Variants in RAB9B observed in about 807,000 individuals in gnomAD.
The protein encoded by RAB9B is ras-related protein Rab-9B.
Under a neutral mutation model 8.9 loss-of-function variants are expected in RAB9B, and 1 was observed. The ratio of observed to expected loss-of-function variants is 0.11; its 90% confidence interval spans 0.04 to 0.53. The LOEUF (loss-of-function observed/expected upper bound fraction) is 0.53. Ranked by LOEUF, RAB9B falls within the 20% of genes least tolerant of loss-of-function variation. The probability of loss-of-function intolerance (pLI) is 0.93; values close to 1 mark genes in which losing one functional copy is unlikely to be tolerated. For synonymous variants in RAB9B, 63 were observed against 57.0 expected (o/e 1.10, Z -0.47); for missense variants, 82 against 152.9 (o/e 0.54, Z 2.45).
At chrX:103,796,092 G>A in the RAB9B span, among the ~76,000 whole-genome samples, 3 of 111,912 alleles carry the variant, frequency 2.7e-5, no homozygotes, top group Non-Finnish European at 5.6e-5. Flanking sequence ...ATAGCTTAGC[G>A]GGTTACAACT....
chrX:103,825,883 C>T (rs2074681583), intron 2 of RAB9B, 57 bp from the exon 3 acceptor site: 1 of 905,940 alleles, frequency 1.1e-6, no homozygotes, highest in African/African-American at 2.0e-5. Context: ...CTGAAATCAA[C>T]TTCATAGCAA....
the RAB9B span, chrX:103,786,776 G>C: frequency 8.5e-7 from 1 of 1,173,756 alleles, no homozygotes; most frequent in African/African-American, 1.8e-5. Context: ...GGGGAAAATT[G>C]GGCGCGAGTC....
At chrX:103,789,230 C>T in the RAB9B span, 1 of 665,310 alleles carries the variant, frequency 1.5e-6, no homozygotes, top group Non-Finnish European at 2.5e-6. Flanking sequence ...AATTAGCACA[C>T]AAGAAAGATA....
chrX:103,824,845 A>C lies in RAB9B; in HGVS notation c.*334T>G. ...CTTTAAGAAATAGTTGTAGCTCTTT[A>C]ACTCCTTCATGCAGCTGGGTTCTAG... is the stretch of plus-strand genomic sequence containing the variant. On this transcript the variant is annotated 3_prime_UTR_variant, in exon 3 of 3. Transcript: ENST00000243298. 3 of 124,103 alleles carry C rather than the reference A, an allele frequency of 2.4e-5. No homozygotes were observed. Among genetic ancestry groups the C allele is most frequent in the Non-Finnish European group, 1.6e-5 (1 of 60,821 alleles). 10.2% of individuals were successfully genotyped at this position (124,103 alleles called of 1,213,427 possible).
chrX:103,801,285 T>C, the RAB9B span, among the ~76,000 whole-genome samples: 16 of 110,898 alleles, frequency 1.4e-4, no homozygotes, highest in South Asian at 5.9e-3. Flanking sequence ...CACTTTACAC[T>C]TATTGCTCCA....
chrX:103,786,866 C>G, the RAB9B span: 2 of 654,244 alleles, frequency 3.1e-6, no homozygotes, highest in East Asian at 3.2e-5. Context: ...TGCAGCCGAA[C>G]GAGAAGGTCA....
At chrX:103,799,518 A>G in the RAB9B span, among the ~76,000 whole-genome samples, 1 of 112,229 alleles carries the variant, frequency 8.9e-6, no homozygotes, top group African/African-American at 3.2e-5. Flanking sequence ...ATCTCACATT[A>G]GAGGTCATAC....
chrX:103,776,648 G>T, the RAB9B span: 1 of 248,370 alleles, frequency 4.0e-6, no homozygotes, highest in South Asian at 1.3e-4. Flanking sequence ...GAAATTCCAG[G>T]CAAGCCTTAG....
chrX:103,828,300 T>C (rs12861323), intron 1 of RAB9B, among the ~76,000 whole-genome samples: 1 of 111,105 alleles, frequency 9.0e-6, no homozygotes. Flanking sequence ...TCCTTCTTGG[T>C]TTATATACAC....
the RAB9B span, among the ~76,000 whole-genome samples, chrX:103,783,320 A>G: frequency 8.9e-6 from 1 of 112,146 alleles, no homozygotes; most frequent in Non-Finnish European, 1.9e-5. Context: ...TGCTGAGTAA[A>G]CTCAGCCTCC....
intron 1 of RAB9B, among the ~76,000 whole-genome samples, chrX:103,830,740 T>G (rs888468664): frequency 9.0e-6 from 1 of 111,707 alleles, no homozygotes; most frequent in Non-Finnish European, 1.9e-5. Flanking sequence ...CACAAAGCCT[T>G]ATTCAAATTA....
At chrX:103,829,342 C>T (rs1278427882) in intron 1 of RAB9B, among the ~76,000 whole-genome samples, 1 of 112,037 alleles carries the variant, frequency 8.9e-6, no homozygotes, top group Non-Finnish European at 1.9e-5. Flanking sequence ...CACTACAGTG[C>T]CTATTGTGTG....
chrX:103,820,182 C>T (rs1367471470), downstream of RAB9B, among the ~76,000 whole-genome samples: 1 of 112,333 alleles, frequency 8.9e-6, no homozygotes, highest in East Asian at 2.8e-4. Context: ...TAGTTTATAG[C>T]CTACCAAGCT....
the RAB9B span, among the ~76,000 whole-genome samples, chrX:103,808,693 C>T: frequency 2.7e-5 from 3 of 112,791 alleles, no homozygotes; most frequent in African/African-American, 9.7e-5. Context: ...TCTGAGGGCC[C>T]ACTCTCAGGG....
the RAB9B span, among the ~76,000 whole-genome samples, chrX:103,795,900 A>G: frequency 8.9e-6 from 1 of 112,171 alleles, no homozygotes; most frequent in Middle Eastern, 4.6e-3. Context: ...TGTCATTTTC[A>G]GTAGATGTTC....
the RAB9B span, among the ~76,000 whole-genome samples, chrX:103,790,115 G>A: frequency 2.7e-5 from 3 of 112,298 alleles, no homozygotes; most frequent in Non-Finnish European, 3.8e-5. Flanking sequence ...CTTGTAAAAC[G>A]AATTGATTCA....
chrX:103,809,142 A>G, the RAB9B span, among the ~76,000 whole-genome samples: 1 of 109,451 alleles, frequency 9.1e-6, no homozygotes, highest in Admixed American at 9.8e-5. Context: ...GGGAGAGACC[A>G]GAGCATGATT....
At chrX:103,810,379 C>T in the RAB9B span, among the ~76,000 whole-genome samples, 6 of 111,892 alleles carry the variant, frequency 5.4e-5, no homozygotes. Context: ...CTGGGCTTTG[C>T]ATCAGAGTCA....
the RAB9B span, among the ~76,000 whole-genome samples, chrX:103,807,348 G>A: frequency 9.0e-6 from 1 of 111,029 alleles, no homozygotes; most frequent in African/African-American, 3.3e-5. Context: ...TCTCCTCACT[G>A]CCGTCAGACT....
Sources: gnomAD v4.1 joint callset for allele counts (sites outside exome capture counted in the v4.1 genomes callset) on GRCh38, gnomAD v4.1.1 for gene constraint, MANE v1.5 for transcripts, NCBI Gene and HGNC (gene_info 2026-07-23, HGNC 2026-07-21) for gene names.